Variants in CCDC30 observed in about 807,000 individuals in gnomAD.
CCDC30 encodes coiled-coil domain containing 30.
A neutral mutation model predicts 100.2 loss-of-function variants in CCDC30; 70 were observed. The ratio of observed to expected loss-of-function variants is 0.70; its 90% CI spans 0.58 to 0.85. The LOEUF is 0.85. Ranked by LOEUF, CCDC30 falls within the 40% of genes least tolerant of loss-of-function variation. The pLI is 0.00. For missense variants in CCDC30, 652 were observed against 771.2 expected (o/e 0.85, Z 1.83); for synonymous variants, 233 against 269.5 (o/e 0.86, Z 1.33).
At chr1:42,625,403 T>A (rs1646914483) in intron 11 of CCDC30, among the ~76,000 whole-genome samples, 1 of 152,190 alleles carries the variant, frequency 6.6e-6, no homozygotes, top group South Asian at 2.1e-4. Flanking sequence ...ATTTCTTTTC[T>A]TCTACTAATT....
chr1:42,568,836 G>A (rs1014450573), intron 7 of CCDC30, among the ~76,000 whole-genome samples: 1 of 151,234 alleles, frequency 6.6e-6, no homozygotes, highest in Admixed American at 6.6e-5. Context: ...CCAGCTACTC[G>A]GGAGGCTGAG....
chr1:42,480,694 A>T (rs1201401034), intron 2 of CCDC30, 128 bp downstream of exon 2: 1 of 839,688 alleles, frequency 1.2e-6, no homozygotes, highest in Middle Eastern at 6.2e-4. Context: ...CAAAGAGAAC[A>T]TCAAGAACCT....
At position 42,622,739 on chromosome 1, in the gene CCDC30, G is replaced by C. The variant is rs567170336; in HGVS notation, c.1277+11649G>C. Among the ~76,000 whole-genome samples the C allele has an allele frequency of 2.0e-3, 301 of 152,208 alleles. 1 individual carries two copies. Among genetic ancestry groups the C allele is most frequent in the Non-Finnish European group, 3.2e-3 (219 of 68,000 alleles). On this transcript the variant is annotated intron_variant, in intron 11 of 16. Transcript: ENST00000668663. Reference sequence around the variant, plus strand: ...TCCGCCCGCCTTGGCCTCCCAAAGTGCTAGGATTACAGGCATGGGCCACTA... The same window carrying C: ...TCCGCCCGCCTTGGCCTCCCAAAGTCCTAGGATTACAGGCATGGGCCACTA...
At chr1:42,538,751 T>G (rs1199793288) in intron 6 of CCDC30, among the ~76,000 whole-genome samples, 1 of 152,222 alleles carries the variant, frequency 6.6e-6, no homozygotes, top group East Asian at 1.9e-4. Flanking sequence ...AGCAATTCCC[T>G]TATAAAGTTG....
intron 8 of CCDC30, among the ~76,000 whole-genome samples, chr1:42,578,123 A>G (rs1645881518): frequency 6.6e-6 from 1 of 152,202 alleles, no homozygotes; most frequent in South Asian, 2.1e-4. Context: ...TAACAGTTGT[A>G]CATTTTGATG....
intron 6 of CCDC30, among the ~76,000 whole-genome samples, chr1:42,553,028 G>C (rs900258594): frequency 6.6e-6 from 1 of 152,160 alleles, no homozygotes; most frequent in Non-Finnish European, 1.5e-5. Flanking sequence ...GGTGAGGGTG[G>C]AAATCTAGGC....
chr1:42,633,552 T>G (rs1647082899), intron 11 of CCDC30, among the ~76,000 whole-genome samples: 1 of 152,052 alleles, frequency 6.6e-6, no homozygotes, highest in African/African-American at 2.4e-5. Flanking sequence ...TTAAGAGGTT[T>G]TTTTGTTTTT....
upstream of CCDC30, among the ~76,000 whole-genome samples, chr1:42,462,202 A>C (rs1403344507): frequency 1.3e-5 from 2 of 152,142 alleles, no homozygotes; most frequent in Non-Finnish European, 2.9e-5. Context: ...TATTTACACA[A>C]GTAAAAATTC....
At chr1:42,618,428 G>C (rs1396298445) in intron 11 of CCDC30, among the ~76,000 whole-genome samples, 1 of 151,938 alleles carries the variant, frequency 6.6e-6, no homozygotes, top group Non-Finnish European at 1.5e-5. Context: ...TAGAGACAGG[G>C]TTTCTCCATG....
intron 11 of CCDC30, among the ~76,000 whole-genome samples, chr1:42,633,992 C>T (rs1032642937): frequency 2.6e-5 from 4 of 152,226 alleles, no homozygotes; most frequent in Admixed American, 2.6e-4. Flanking sequence ...ATAAAACCAT[C>T]AGATCTCATG....
intron 9 of CCDC30, among the ~76,000 whole-genome samples, chr1:42,584,225 A>G (rs1445566346): frequency 1.3e-5 from 2 of 152,220 alleles, no homozygotes; most frequent in African/African-American, 2.4e-5. Flanking sequence ...ATTCTGGGAA[A>G]CTAGACAAGT....
upstream of CCDC30, among the ~76,000 whole-genome samples, chr1:42,462,229 A>AGT (rs150466234): frequency 4.6e-5 from 7 of 151,646 alleles, no homozygotes; most frequent in Non-Finnish European, 7.4e-5. Context: ...GGTGGGGGAG[A>AGT]GTGTGTGTGT....
chr1:42,555,060 A>G (rs1043216755), intron 6 of CCDC30, among the ~76,000 whole-genome samples: 12 of 152,174 alleles, frequency 7.9e-5, no homozygotes, highest in Non-Finnish European at 1.5e-4. Context: ...GCCACATCCA[A>G]TAAATGACAA....
chr1:42,504,792 T>G (rs930698371), intron 6 of CCDC30, among the ~76,000 whole-genome samples: 2 of 152,192 alleles, frequency 1.3e-5, no homozygotes, highest in Non-Finnish European at 2.9e-5. Flanking sequence ...ACATCCCTCT[T>G]TTTAAACAAG....
At chr1:42,522,068 TG>T (rs1644656821) in intron 6 of CCDC30, among the ~76,000 whole-genome samples, 3 of 152,192 alleles carry the variant, frequency 2.0e-5, no homozygotes, top group Non-Finnish European at 4.4e-5. Flanking sequence ...ATAGAACTTA[TG>T]CACATTCTCC....
intron 12 of CCDC30, among the ~76,000 whole-genome samples, chr1:42,639,740 A>G (rs1461226459): frequency 1.3e-5 from 2 of 152,142 alleles, no homozygotes; most frequent in East Asian, 3.8e-4. Context: ...AAAACATACA[A>G]TTTCTAAAGT....
chr1:42,652,500 A>G (rs1446302789), intron 15 of CCDC30, among the ~76,000 whole-genome samples: 2 of 152,212 alleles, frequency 1.3e-5, no homozygotes, highest in African/African-American at 4.8e-5. Context: ...AATAGTATAA[A>G]TAAAAATTTG....
At chr1:42,564,326 G>GC (rs1557858342) in intron 6 of CCDC30, among the ~76,000 whole-genome samples, 1 of 151,634 alleles carries the variant, frequency 6.6e-6, no homozygotes. Flanking sequence ...CAGGATTTTT[G>GC]TTTTTTTTGA....
At chr1:42,482,015 G>A (rs1277612746) in intron 2 of CCDC30, among the ~76,000 whole-genome samples, 1 of 151,978 alleles carries the variant, frequency 6.6e-6, no homozygotes, top group Non-Finnish European at 1.5e-5. Flanking sequence ...TCAGGAGTTC[G>A]AGACCAGCTT....
Sources: allele counts gnomAD v4.1 joint callset (sites outside exome capture counted in the v4.1 genomes callset), GRCh38; gene constraint gnomAD v4.1.1; transcripts MANE v1.5; gene names NCBI Gene and HGNC (gene_info 2026-07-23, HGNC 2026-07-21).